Variants in TEP1 observed in about 807,000 individuals in gnomAD.
The protein encoded by TEP1 is telomerase protein component 1.
In TEP1, 241 loss-of-function variants were observed where a neutral mutation model predicts 306.3. That is an observed-to-expected ratio of 0.79 (90% CI 0.71 to 0.88). The LOEUF is 0.88. Among genes scored for constraint, TEP1 ranks in the 40% least tolerant of loss-of-function variants. The pLI, the probability that TEP1 is intolerant of heterozygous loss-of-function variation, is 0.00. For missense variants in TEP1, 3,051 were observed against 3,276.1 expected (o/e 0.93, Z 1.68); for synonymous variants, 1,289 against 1,305.5 (o/e 0.99, Z 0.27).
Position 20,412,680 on chromosome 14 carries a change from C to CTTT in TEP1, c.-25+722_-25+724dup, listed in dbSNP as rs10717377. On this transcript the variant is annotated intron_variant, in intron 1 of 54. Coordinates refer to ENST00000262715, the MANE Select transcript of TEP1 (RefSeq NM_007110.5). ...ACATTAATACCCACCTCACTCTTTCCTTTTTTTTTTTTTTTTTTTTTTGAG... is the reference window on the plus strand; with the variant it reads ...ACATTAATACCCACCTCACTCTTTCCTTTTTTTTTTTTTTTTTTTTTTTTTGAG... Among the ~76,000 whole-genome samples the CTTT allele has an allele frequency of 5.7e-4, 60 of 105,424 alleles. 1 individual carries two copies. The highest frequency in any genetic ancestry group is 1.0e-3 in the African/African-American group (30 of 28,608). 69.2% of individuals were successfully genotyped at this position (105,424 alleles called of 152,430 possible).
In TEP1 at chr14:20,380,997, G is replaced by C. The variant is rs969044347; in HGVS notation, c.4696C>G (p.His1566Asp). 2 of 1,614,064 alleles carry C rather than the reference G, an allele frequency of 1.2e-6. No homozygotes were observed. The highest frequency in any genetic ancestry group is 1.7e-6 in the Non-Finnish European group (2 of 1,180,052). ...AATTCCAAGTGTGCAGCCACCACAT[G>C]GAGGTTGGTAAGGAACTTCGAAAGA... ...GLLSKFLTNLHVVAAHLELGL... is the reference protein window; with the variant it reads ...GLLSKFLTNLDVVAAHLELGL... Residue 1566 changes from histidine to aspartate, a missense_variant, in exon 33 of 55, where the codon CAT (histidine) becomes GAT (aspartate). Physicochemically the swap from His to Asp is moderately conservative, Grantham distance 81. Coordinates refer to ENST00000262715, the MANE Select transcript of TEP1 (RefSeq NM_007110.5).
rs560280403 is a variant in TEP1 at position 20,382,259 on chromosome 14, G to A, written c.4238C>T (p.Pro1413Leu). ...GACTTCTAGGGCAGTCAAGGCCTGG[G>A]GAAGGACATCAGGCCCGTGCTCCTT... Reference protein sequence around the residue: ...LEKEHGPDVLPQALTALEVTR... With the variant: ...LEKEHGPDVLLQALTALEVTR... The change falls in exon 29 of 55, where the codon CCC becomes CTC. Residue 1413 changes from proline (P) to leucine (L), a missense_variant. Pro to Leu is a moderately conservative substitution (Grantham distance 98). Coordinates refer to ENST00000262715, the MANE Select transcript of TEP1 (RefSeq NM_007110.5). The A allele has an allele frequency of 1.9e-6, 3 of 1,614,012 alleles. No homozygotes were observed. The South Asian group carries it at 3.3e-5, about 18-fold the overall frequency.
chr14:20,373,202 A>G, intron 47 of TEP1, 55 bp from the exon 48 acceptor site: 4 of 1,612,792 alleles, frequency 2.5e-6, no homozygotes, highest in South Asian at 2.2e-5. Flanking sequence ...GGGATAAGAG[A>G]TATCAGGCCA....
intron 3 of TEP1, 76 bp downstream of exon 3, chr14:20,406,157 G>GA: frequency 6.7e-7 from 1 of 1,487,414 alleles, no homozygotes; most frequent in Non-Finnish European, 9.3e-7. Flanking sequence ...CTGGGGAGGG[G>GA]ACCTGGTTCA....
chr14:20,375,779 A>G lies in TEP1; in HGVS notation c.6339T>C (p.Cys2113=). Residue 2113 remains cysteine (C), a synonymous_variant, in exon 43 of 55, where the codon TGT becomes TGC. Coordinates refer to ENST00000262715, the MANE Select transcript of TEP1 (RefSeq NM_007110.5). The part of the protein sequence containing the change: ...PACHRDWVTG[C]AWTKDNLLIS... ...CCAGTAGGTTATCTTTGGTCCAGGCACAGCCAGTGACCCAGTCACGGTGAC... is the reference window on the plus strand; with the variant it reads ...CCAGTAGGTTATCTTTGGTCCAGGCGCAGCCAGTGACCCAGTCACGGTGAC... The G allele has an allele frequency of 6.2e-7, 1 of 1,613,522 alleles. No homozygotes were observed. Among genetic ancestry groups the G allele is most frequent in the South Asian group, 1.1e-5 (1 of 91,058 alleles).
chr14:20,373,214 C>T (rs1228232284), intron 47 of TEP1, 56 bp downstream of exon 47: 12 of 1,612,528 alleles, frequency 7.4e-6, no homozygotes, highest in South Asian at 4.4e-5. Context: ...ATCAGGCCAC[C>T]CTTGACCTTT....
chr14:20,382,533 C>G, intron 28 of TEP1, 90 bp downstream of exon 28: 1 of 1,558,920 alleles, frequency 6.4e-7, no homozygotes, highest in Non-Finnish European at 8.8e-7. Flanking sequence ...GATCACAAGA[C>G]AGCAAAGGAC....
At position 20,381,807 on chromosome 14, in the gene TEP1, C is replaced by G; in HGVS notation, c.4424+106G>C. On this transcript the variant is annotated intron_variant, in intron 30 of 54. Coordinates refer to ENST00000262715, the MANE Select transcript of TEP1 (RefSeq NM_007110.5). The surrounding 1 kb of genome is among the most constrained non-coding windows in gnomAD (Gnocchi z 4.0). ...GAAACTGGAGCAGCTGGAGCAGTAG[C>G]TCATTCATGGTCTGGGAGCCAGTTG... is the stretch of plus-strand genomic sequence containing the variant. 1 of 1,542,314 alleles carries G rather than the reference C, an allele frequency of 6.5e-7. No homozygotes were observed.
At chr14:20,400,161 AAG>A (rs1296934494) in intron 9 of TEP1, among the ~76,000 whole-genome samples, 16 of 146,158 alleles carry the variant, frequency 1.1e-4, no homozygotes, top group Non-Finnish European at 7.5e-5. Flanking sequence ...AAAAAAAAAA[AAG>A]AATTATCTAC....
Position 20,404,739 on chromosome 14 carries a change from G to A in TEP1, c.904C>T (p.Arg302Trp), listed in dbSNP as rs139869929. ...SLYARQQLNVRNVANNILAIA... is the reference protein window; with the variant it reads ...SLYARQQLNVWNVANNILAIA... The stretch of plus-strand genomic sequence containing the variant: ...GCCAAGATGTTATTGGCCACATTCC[G>A]GACGTTCAGCTGCTGCCTGGCATAC... The change falls in exon 5 of 55, where the codon CGG (arginine) becomes TGG (tryptophan). Residue 302 changes from arginine to tryptophan, a missense_variant. Physicochemically the swap from Arg to Trp is moderately radical, Grantham distance 101. Around this residue, in one of 3 missense-constraint regions of TEP1, gnomAD observed 1,507 missense variants for 1,550.5 expected, o/e 0.97. Coordinates refer to ENST00000262715, the MANE Select transcript of TEP1 (RefSeq NM_007110.5). 1.9e-5 allele frequency: 31 copies of A among 1,613,136 alleles called. No homozygotes were observed. The highest frequency in any genetic ancestry group is 6.7e-5 in the Admixed American group (4 of 59,916).
At chr14:20,368,608 C>T in intron 54 of TEP1, 49 bp from the exon 55 acceptor site, 1 of 1,606,822 alleles carries the variant, frequency 6.2e-7, no homozygotes, top group Non-Finnish European at 8.5e-7. Context: ...AGCCTCCTTA[C>T]TAACTTATTT....
chr14:20,408,244 C>T lies in TEP1; in HGVS notation c.196G>A (p.Gly66Arg), dbSNP rs776817136. 4 of 1,613,374 alleles carry T rather than the reference C, an allele frequency of 2.5e-6. No individual in the cohort carries two copies. The African/African-American group carries it at 5.3e-5, about 22-fold the overall frequency. ...ATGTCTGGGTGGGCAGACACATATCCATGTGGTTTTTCCATGGTCTTCAGG... is the reference window on the plus strand; with the variant it reads ...ATGTCTGGGTGGGCAGACACATATCTATGTGGTTTTTCCATGGTCTTCAGG... ...PDLKTMEKPH[G>R]YVSAHPDILS... Residue 66 changes from glycine (G) to arginine (R), a missense_variant, in exon 2 of 55, where the codon GGA becomes AGA. Physicochemically the swap from Gly to Arg is moderately radical, Grantham distance 125. This residue lies in a region of TEP1 where 1,507 missense variants were observed against 1,550.5 expected (regional missense o/e 0.97). Transcript: ENST00000262715.
chr14:20,388,156 AGGTTTGGT>A, intron 17 of TEP1, 93 bp from the exon 18 acceptor site: 1 of 1,413,264 alleles, frequency 7.1e-7, no homozygotes. Flanking sequence ...AGATATGTCC[AGGTTTGGT>A]GACCAGTTAA....
intron 9 of TEP1, among the ~76,000 whole-genome samples, chr14:20,397,908 AT>A: frequency 6.6e-6 from 1 of 152,096 alleles, no homozygotes; most frequent in Middle Eastern, 3.4e-3. Flanking sequence ...GCTCACCACC[AT>A]GCCTGGCTAA....
In TEP1 at chr14:20,386,072, T is replaced by C; in HGVS notation, c.2982+3A>G. 2 of 1,606,656 alleles carry C rather than the reference T, an allele frequency of 1.2e-6. No individual in the cohort carries two copies. The highest frequency in any genetic ancestry group is 1.7e-6 in the Non-Finnish European group (2 of 1,177,434). On this transcript the variant is annotated splice_donor_region_variant and intron_variant, in intron 20 of 54. Coordinates refer to ENST00000262715, the MANE Select transcript of TEP1 (RefSeq NM_007110.5). ...AGCCCTCCTCCAAACCTGTCTGCCT[T>C]ACCCAGTGGAAGTGTGGATGGTCAG... is the stretch of plus-strand genomic sequence containing the variant.
chr14:20,371,598 C>G lies in TEP1; in HGVS notation c.7111G>C (p.Gly2371Arg). 2 of 1,590,704 alleles carry G rather than the reference C, an allele frequency of 1.3e-6. No individual in the cohort carries two copies. The highest frequency in any genetic ancestry group is 1.7e-6 in the Non-Finnish European group (2 of 1,174,776). Residue 2371 changes from glycine (G) to arginine (R), a missense_variant, in exon 50 of 55, where the codon GGG becomes CGG. Physicochemically the swap from Gly to Arg is moderately radical, Grantham distance 125. Transcript: ENST00000262715. ...GCCCAATCCAGACTTGTCAGCACCC[C>G]TAAGTCCTCCTGTAGAATTCGGTTC... The part of the protein sequence containing the change: ...HLNRILQEDL[G>R]VLTSLDWAPD...
At chr14:20,394,504 A>T (rs1347107541) in intron 12 of TEP1, among the ~76,000 whole-genome samples, 1 of 125,774 alleles carries the variant, frequency 8.0e-6, no homozygotes, top group Non-Finnish European at 1.6e-5. Context: ...TTTGAGACAG[A>T]GTCTCACTCT....
chr14:20,383,395 G>A lies in TEP1; in HGVS notation c.3868-42C>T, dbSNP rs180813895. ...AAGGGGCAGGAAGGTAGAAAGAAAAGGAGAACCACATTGGAGAGGCCTCTC... is the reference window on the plus strand; with the variant it reads ...AAGGGGCAGGAAGGTAGAAAGAAAAAGAGAACCACATTGGAGAGGCCTCTC... On this transcript the variant is annotated intron_variant, in intron 26 of 54. Coordinates refer to ENST00000262715, the MANE Select transcript of TEP1 (RefSeq NM_007110.5). 2.6e-3 allele frequency: 4,207 copies of A among 1,601,270 alleles called. 13 individuals carry two copies. The highest frequency in any genetic ancestry group is 3.3e-3 in the Non-Finnish European group (3,880 of 1,172,972).
At chr14:20,385,188 T>C in intron 20 of TEP1, 79 bp from the exon 21 acceptor site, 1 of 1,561,242 alleles carries the variant, frequency 6.4e-7, no homozygotes, top group Non-Finnish European at 8.7e-7. Flanking sequence ...GCCCCAGGAC[T>C]CCTGTATCTC....
Sources: gnomAD v4.1 joint callset for allele counts (sites outside exome capture counted in the v4.1 genomes callset) on GRCh38, gnomAD v4.1.1 for gene constraint, gnomAD v4.1.1 regional missense constraint, Gnocchi (gnomAD v3.1) non-coding constraint, MANE v1.5 for transcripts, NCBI Gene and HGNC (gene_info 2026-07-23, HGNC 2026-07-21) for gene names.